The following SSH2 variants were observed in gnomAD, a reference collection of about 807,000 sequenced individuals.
The protein encoded by SSH2 is slingshot protein phosphatase 2, also known as protein phosphatase Slingshot homolog 2.
In SSH2, 37 loss-of-function variants were observed where a neutral mutation model predicts 135.2. The ratio of observed to expected loss-of-function variants is 0.27; its 90% CI spans 0.21 to 0.36. The LOEUF is 0.36. Among genes scored for constraint, SSH2 ranks in the 10% least tolerant of loss-of-function variants. SSH2 has a pLI of 1.00. For synonymous variants in SSH2, 628 were observed against 646.2 expected (o/e 0.97, Z 0.43); for missense variants, 1,408 against 1,765.3 (o/e 0.80, Z 3.63).
intron 15 of SSH2, among the ~76,000 whole-genome samples, chr17:29,633,401 T>C (rs569810885): frequency 6.6e-6 from 1 of 152,290 alleles, no homozygotes; most frequent in South Asian, 2.1e-4. Context: ...CTTAGATATG[T>C]CCCAGTGATA....
At chr17:29,796,372 G>A (rs566622706) in intron 2 of SSH2, among the ~76,000 whole-genome samples, 3 of 151,922 alleles carry the variant, frequency 2.0e-5, no homozygotes, top group African/African-American at 4.8e-5. Flanking sequence ...ACGGAGTCTC[G>A]CTCTGTTGCC....
intron 11 of SSH2, among the ~76,000 whole-genome samples, chr17:29,664,456 T>C (rs189895164): frequency 1.2e-3 from 190 of 152,262 alleles, no homozygotes; most frequent in African/African-American, 4.4e-3. Flanking sequence ...TAAATAAATA[T>C]GATAATCTGT....
At chr17:29,806,928 C>T (rs2042357031) in intron 2 of SSH2, among the ~76,000 whole-genome samples, 1 of 152,160 alleles carries the variant, frequency 6.6e-6, no homozygotes, top group Admixed American at 6.5e-5. Context: ...GGTTTAGCAC[C>T]AGGCCTCTGC....
chr17:29,639,388 G>A (rs961797566), intron 14 of SSH2, among the ~76,000 whole-genome samples: 4 of 151,982 alleles, frequency 2.6e-5, no homozygotes, highest in African/African-American at 9.7e-5. Context: ...TTACCAAACC[G>A]CAGGGTGGAA....
chr17:29,673,955 C>A, intron 8 of SSH2: 1 of 336,646 alleles, frequency 3.0e-6, no homozygotes. Context: ...ATTATTAGAA[C>A]ACTGACAAAC....
chr17:29,768,289 A>ATT (rs545565554), intron 3 of SSH2, among the ~76,000 whole-genome samples: 109 of 139,812 alleles, frequency 7.8e-4, no homozygotes, highest in African/African-American at 2.1e-3. Context: ...ATAAATGTAA[A>ATT]TTTTTTTTTT....
At chr17:29,860,733 C>A (rs551914305) in intron 1 of SSH2, among the ~76,000 whole-genome samples, 4 of 144,768 alleles carry the variant, frequency 2.8e-5, no homozygotes, top group Admixed American at 7.2e-5. Context: ...TGCTCAGTCT[C>A]CTTTGCCCAC....
chr17:29,868,598 C>T (rs989846512), intron 1 of SSH2, among the ~76,000 whole-genome samples: 4 of 151,978 alleles, frequency 2.6e-5, no homozygotes, highest in Admixed American at 6.6e-5. Flanking sequence ...ATTAGCTGGG[C>T]GTGGCAGCTT....
intron 1 of SSH2, among the ~76,000 whole-genome samples, chr17:29,913,341 A>ATTAT (rs2066803402): frequency 4.2e-5 from 2 of 47,654 alleles, no homozygotes; most frequent in Non-Finnish European, 8.9e-5. Context: ...AAAAAAAAAA[A>ATTAT]AAAAAAATAT....
At chr17:29,753,233 C>T (rs1233920009) in intron 3 of SSH2, among the ~76,000 whole-genome samples, 2 of 151,868 alleles carry the variant, frequency 1.3e-5, no homozygotes, top group East Asian at 1.9e-4. Flanking sequence ...TGGGTTCAAG[C>T]GATTCTCCCT....
chr17:29,729,734 AACATGGATGG>A (rs1269063835), intron 3 of SSH2, among the ~76,000 whole-genome samples: 6 of 152,220 alleles, frequency 3.9e-5, no homozygotes, highest in Non-Finnish European at 7.3e-5. Flanking sequence ...CTTTTGCAAC[AACATGGATGG>A]ACTGGAGGTC....
At chr17:29,645,824 T>C (rs1261424207) in intron 14 of SSH2, 1 of 152,156 alleles carries the variant, frequency 6.6e-6, no homozygotes, top group Non-Finnish European at 1.5e-5. Context: ...TCATGCCAAA[T>C]GTTGAGTAAA....
At chr17:29,742,382 A>C (rs113465904) in intron 3 of SSH2, among the ~76,000 whole-genome samples, 298 of 149,546 alleles carry the variant, frequency 2.0e-3, no homozygotes, top group Middle Eastern at 3.5e-3. Context: ...GCAGTGGCAC[A>C]ATCACAGCTC....
intron 3 of SSH2, among the ~76,000 whole-genome samples, chr17:29,736,844 A>C (rs2040385921): frequency 7.0e-6 from 1 of 142,254 alleles, no homozygotes; most frequent in African/African-American, 2.6e-5. Flanking sequence ...TCACGCCTGT[A>C]ATCTCAGCAC....
Position 29,714,927 on chromosome 17 carries a change from T to C in SSH2, c.189-11865A>G, listed in dbSNP as rs539213378. On this transcript the variant is annotated intron_variant, in intron 3 of 15. Coordinates refer to ENST00000540801, the MANE Select transcript of SSH2 (RefSeq NM_001282129.2). ...TATCACCCAGGCTGAAGTGCAATGG[T>C]GCAATCTCGGCTCACTGCAACCTCC... is the stretch of plus-strand genomic sequence containing the variant. 5.9e-5 allele frequency among the ~76,000 whole-genome samples: 9 copies of C among 152,186 alleles called. No individual in the cohort carries two copies. The South Asian group carries it at 1.9e-3, about 32-fold the overall frequency.
At chr17:29,855,929 A>G (rs757041332) in intron 1 of SSH2, 19 of 264,778 alleles carry the variant, frequency 7.2e-5, no homozygotes, top group Non-Finnish European at 1.2e-4. Context: ...AGGTTGACAA[A>G]TGATTGGGAA....
intron 3 of SSH2, among the ~76,000 whole-genome samples, chr17:29,721,016 T>C (rs539782953): frequency 7.9e-5 from 12 of 152,352 alleles, no homozygotes; most frequent in African/African-American, 2.9e-4. Flanking sequence ...GCTTTCTTGA[T>C]GTCCAATCCA....
chr17:29,848,035 T>C (rs533887006), intron 2 of SSH2, among the ~76,000 whole-genome samples: 1 of 152,326 alleles, frequency 6.6e-6, no homozygotes, highest in Non-Finnish European at 1.5e-5. Context: ...CAATAAAAGA[T>C]TGCTGTCTAA....
intron 13 of SSH2, among the ~76,000 whole-genome samples, chr17:29,649,268 C>T (rs575002563): frequency 7.9e-5 from 12 of 151,750 alleles, no homozygotes; most frequent in African/African-American, 2.9e-4. Flanking sequence ...TGCCTGGGTG[C>T]CCCGTACGTC....
Sources: allele counts gnomAD v4.1 joint callset (sites outside exome capture counted in the v4.1 genomes callset), GRCh38; gene constraint gnomAD v4.1.1; transcripts MANE v1.5; gene names NCBI Gene and HGNC (gene_info 2026-07-23, HGNC 2026-07-21).